The following SLC4A4 variants were observed in gnomAD, a reference collection of about 807,000 sequenced individuals.
SLC4A4 encodes the protein electrogenic sodium bicarbonate cotransporter 1.
In SLC4A4, 27 loss-of-function variants were observed where a neutral mutation model predicts 111.5. That is an observed-to-expected ratio of 0.24 (90% CI 0.18 to 0.33). The LOEUF is 0.33. Among genes scored for constraint, SLC4A4 ranks in the 10% least tolerant of loss-of-function variants. The pLI, the probability that SLC4A4 is intolerant of heterozygous loss-of-function variation, is 1.00. For missense variants in SLC4A4, 909 were observed against 1,315.5 expected, an observed-to-expected ratio of 0.69 and a Z score of 4.78; for synonymous variants, 443 against 463.4, an observed-to-expected ratio of 0.96 and a Z score of 0.57.
At chr4:71,364,176 T>A (rs1458022916) in intron 6 of SLC4A4, among the ~76,000 whole-genome samples, 1 of 152,190 alleles carries the variant, frequency 6.6e-6, no homozygotes, top group Non-Finnish European at 1.5e-5. Context: ...TACTTTGTAA[T>A]CTTCTTTTTA....
intron 6 of SLC4A4, among the ~76,000 whole-genome samples, chr4:71,359,834 C>A (rs1479703539): frequency 6.6e-6 from 1 of 152,110 alleles, no homozygotes; most frequent in Admixed American, 6.5e-5. Flanking sequence ...AATTTGTATA[C>A]CTTTGTCTTT....
intron 1 of SLC4A4, among the ~76,000 whole-genome samples, chr4:71,235,104 A>G (rs1196742434): frequency 6.6e-6 from 1 of 152,214 alleles, no homozygotes; most frequent in Non-Finnish European, 1.5e-5. Context: ...TGTTGAGTCA[A>G]TGCAAGGTTG....
chr4:71,333,814 G>A (rs576942148), intron 3 of SLC4A4, among the ~76,000 whole-genome samples: 8 of 151,870 alleles, frequency 5.3e-5, no homozygotes, highest in East Asian at 3.9e-4. Flanking sequence ...CCACTGCCCC[G>A]TGCCTGGCTA....
chr4:71,206,496 C>G (rs775066311), intron 1 of SLC4A4, among the ~76,000 whole-genome samples: 2 of 152,052 alleles, frequency 1.3e-5, no homozygotes, highest in African/African-American at 2.4e-5. Context: ...TAGGAAGAAG[C>G]CTTCCATAAT....
intron 8 of SLC4A4, among the ~76,000 whole-genome samples, chr4:71,445,808 T>G (rs1237115990): frequency 6.6e-6 from 1 of 152,192 alleles, no homozygotes; most frequent in African/African-American, 2.4e-5. Context: ...ATCAGTCCCT[T>G]TAGAAAAATA....
chr4:71,550,646 T>C (rs562508057), intron 20 of SLC4A4, among the ~76,000 whole-genome samples: 1 of 151,954 alleles, frequency 6.6e-6, no homozygotes, highest in African/African-American at 2.4e-5. Flanking sequence ...ATCAAATGAA[T>C]GGGAAAAGAG....
intron 7 of SLC4A4, among the ~76,000 whole-genome samples, chr4:71,429,082 G>A (rs1723406520): frequency 6.6e-6 from 1 of 152,082 alleles, no homozygotes; most frequent in Non-Finnish European, 1.5e-5. Context: ...CCCAGTGACT[G>A]AGGAATACTA....
At chr4:71,477,273 C>A (rs182043237) in intron 14 of SLC4A4, among the ~76,000 whole-genome samples, 13 of 151,680 alleles carry the variant, frequency 8.6e-5, no homozygotes, top group Middle Eastern at 3.2e-3. Context: ...TAGTTTGGCA[C>A]CTAATGGACA....
chr4:71,325,897 G>A (rs1727464869), intron 3 of SLC4A4, among the ~76,000 whole-genome samples: 1 of 151,924 alleles, frequency 6.6e-6, no homozygotes, highest in Admixed American at 6.6e-5. Flanking sequence ...GTGTGTATGT[G>A]TGTGTGTTTT....
intron 1 of SLC4A4, among the ~76,000 whole-genome samples, chr4:71,190,385 T>TACACACACACAC (rs5859253): frequency 1.4e-5 from 2 of 143,774 alleles, no homozygotes; most frequent in Admixed American, 7.0e-5. Flanking sequence ...TATGTATGTT[T>TACACACACACAC]ACACACACAC....
chr4:71,442,115 T>C (rs998317106), intron 8 of SLC4A4, among the ~76,000 whole-genome samples: 2 of 152,228 alleles, frequency 1.3e-5, no homozygotes, highest in Non-Finnish European at 2.9e-5. Context: ...AGAAAATTGC[T>C]CTTGGCTTTT....
chr4:71,067,426 T>C (rs1432884913), intron 1 of SLC4A4, among the ~76,000 whole-genome samples: 1 of 152,222 alleles, frequency 6.6e-6, no homozygotes, highest in African/African-American at 2.4e-5. Context: ...AAAACAAATA[T>C]TATTCAAACG....
At chr4:71,506,987 C>T (rs1463690229) in intron 16 of SLC4A4, among the ~76,000 whole-genome samples, 2 of 151,970 alleles carry the variant, frequency 1.3e-5, no homozygotes, top group Non-Finnish European at 2.9e-5. Context: ...TTGTATCTCA[C>T]CAAACTAAGC....
intron 16 of SLC4A4, among the ~76,000 whole-genome samples, chr4:71,516,645 A>G (rs903387328): frequency 4.6e-5 from 7 of 152,224 alleles, no homozygotes; most frequent in East Asian, 1.9e-4. Flanking sequence ...ATTGCAGCCG[A>G]CTGTGTAAGG....
chr4:71,423,881 A>T (rs1304820896), intron 7 of SLC4A4, among the ~76,000 whole-genome samples: 2 of 152,362 alleles, frequency 1.3e-5, no homozygotes, highest in African/African-American at 2.4e-5. Context: ...CTAAAACCAT[A>T]AAAACCCTAG....
chr4:71,453,768 C>T (rs1018977205), intron 12 of SLC4A4, 99 bp downstream of exon 12: 20 of 1,117,272 alleles, frequency 1.8e-5, no homozygotes, highest in Middle Eastern at 2.1e-4. Flanking sequence ...AGTTACTCAG[C>T]GTGATTTTCT....
intron 3 of SLC4A4, among the ~76,000 whole-genome samples, chr4:71,301,932 A>T (rs1032280585): frequency 6.6e-6 from 1 of 152,050 alleles, no homozygotes; most frequent in African/African-American, 2.4e-5. Context: ...TCCCCACCAA[A>T]CTTCTGAAGA....
chr4:71,085,960 T>A (rs1022658177), intron 1 of SLC4A4, among the ~76,000 whole-genome samples: 2 of 152,056 alleles, frequency 1.3e-5, no homozygotes. Context: ...GGTAGCTTGA[T>A]GGGGATGGCA....
chr4:71,422,599 G>T (rs1225243315), intron 7 of SLC4A4, among the ~76,000 whole-genome samples: 1 of 151,988 alleles, frequency 6.6e-6, no homozygotes. Context: ...TAAAATACTG[G>T]CAAACCAAAT....
Sources: allele counts gnomAD v4.1 joint callset (sites outside exome capture counted in the v4.1 genomes callset), GRCh38; gene constraint gnomAD v4.1.1; transcripts MANE v1.5; gene names NCBI Gene and HGNC (gene_info 2026-07-23, HGNC 2026-07-21).